The following MYO9B variants were observed in gnomAD, a reference collection of about 807,000 sequenced individuals.
The protein encoded by MYO9B is unconventional myosin-IXb.
A neutral mutation model predicts 229.5 loss-of-function variants in MYO9B; 71 were observed. The observed-to-expected ratio is 0.31, with a 90% CI of 0.26 to 0.38. The LOEUF is 0.38. Among genes scored for constraint, MYO9B ranks in the 10% least tolerant of loss-of-function variants. MYO9B has a pLI of 1.00. For missense variants in MYO9B, 2,255 were observed against 2,920.5 expected, an observed-to-expected ratio of 0.77 and a Z score of 5.25; for synonymous variants, 1,185 against 1,235.8, an observed-to-expected ratio of 0.96 and a Z score of 0.86.
rs139371504 is a variant in MYO9B, at chr19:17,113,195, T to C, written c.840+10638T>C. 9.6e-4 allele frequency among the ~76,000 whole-genome samples: 146 copies of C among 152,220 alleles called. 2 individuals carry two copies. In the East Asian group the frequency reaches 0.022, roughly 23 times the overall value. On this transcript the variant is annotated intron_variant, in intron 2 of 39. Coordinates refer to ENST00000682292, the MANE Select transcript of MYO9B (RefSeq NM_004145.4). ...GAGGGTCTCTGAGACCACTTGTCACTTTGCTGGGCTGAGGGAGAAGGAAGG... is the reference window on the plus strand; with the variant it reads ...GAGGGTCTCTGAGACCACTTGTCACCTTGCTGGGCTGAGGGAGAAGGAAGG...
In MYO9B at chr19:17,197,639, C is replaced by A. The variant is rs1351238227; in HGVS notation, c.4047-153C>A. On this transcript the variant is annotated intron_variant, in intron 22 of 39. Coordinates refer to ENST00000682292, the MANE Select transcript of MYO9B (RefSeq NM_004145.4). Reference sequence around the variant, plus strand: ...TACCCACCCACTCCTTTCCCCCCACCCAAGTGGTGACAACCAAAACTGTCT... The same window carrying A: ...TACCCACCCACTCCTTTCCCCCCACACAAGTGGTGACAACCAAAACTGTCT... Among the ~76,000 whole-genome samples, 4 of 152,164 alleles carry A rather than the reference C, an allele frequency of 2.6e-5. No homozygotes were observed. The East Asian group carries it at 7.7e-4, about 29-fold the overall frequency.
rs773659186 is a variant in MYO9B, at chr19:17,172,830, C to G, written c.2007C>G (p.Ser669=). The G allele has an allele frequency of 1.9e-6, 3 of 1,612,404 alleles. No individual in the cohort carries two copies. The highest frequency in any genetic ancestry group is 2.5e-6 in the Non-Finnish European group (3 of 1,179,852). The stretch of plus-strand genomic sequence containing the variant: ...CCCTGCTGCGGGGCAGTGACAGCTC[C>G]TACGTGCGGGAGCTCATCGGCATGG... ...IVALLRGSDS[S]YVRELIGMDP... is the part of the protein sequence containing the mutation. The change falls in exon 13 of 40, where the codon TCC becomes TCG. Residue 669 remains serine (S), a synonymous_variant. Transcript: ENST00000682292. The surrounding 1 kb of genome is among the most constrained non-coding windows in gnomAD (Gnocchi z 8.2).
chr19:17,174,214 G>A (rs2072757698), intron 13 of MYO9B, among the ~76,000 whole-genome samples: 1 of 151,598 alleles, frequency 6.6e-6, no homozygotes. Flanking sequence ...GTATTTTTTA[G>A]TAGAGATAGG....
chr19:17,186,130 CG>C, intron 18 of MYO9B, 129 bp downstream of exon 18: 1 of 745,776 alleles, frequency 1.3e-6, no homozygotes, highest in Non-Finnish European at 2.2e-6. Flanking sequence ...CAGAGGCAGC[CG>C]GGGATGGAGA....
chr19:17,091,096 G>A (rs117438397), intron 1 of MYO9B, among the ~76,000 whole-genome samples: 344 of 152,226 alleles, frequency 2.3e-3, no homozygotes, highest in Non-Finnish European at 4.1e-3. Flanking sequence ...GCCCAGAGGC[G>A]GACCACATGT....
intron 24 of MYO9B, among the ~76,000 whole-genome samples, chr19:17,199,229 A>G (rs2073079825): frequency 6.6e-6 from 1 of 152,116 alleles, no homozygotes; most frequent in South Asian, 2.1e-4. Flanking sequence ...TAACTTAAAA[A>G]GATAATGAGC....
chr19:17,108,326 C>G (rs553992873), intron 2 of MYO9B, among the ~76,000 whole-genome samples: 6 of 152,152 alleles, frequency 3.9e-5, no homozygotes, highest in African/African-American at 1.4e-4. Context: ...CCTGGGGCGA[C>G]TGTTTGCAAA....
intron 20 of MYO9B, among the ~76,000 whole-genome samples, chr19:17,191,796 C>T (rs1188055319): frequency 1.3e-5 from 2 of 151,570 alleles, no homozygotes; most frequent in South Asian, 2.1e-4. Flanking sequence ...GGAAACATAG[C>T]GAGACCCCAT....
intron 1 of MYO9B, among the ~76,000 whole-genome samples, chr19:17,084,709 C>CAAAAAAAA (rs903470342): frequency 4.7e-4 from 38 of 81,012 alleles, no homozygotes; most frequent in East Asian, 1.5e-3. Flanking sequence ...ACTAAAAATA[C>CAAAAAAAA]AAAAAAAAAA....
In MYO9B at chr19:17,198,244, A is replaced by C. The variant is rs760690398; in HGVS notation, c.4174A>C (p.Lys1392Gln). ...SAKKPAVQKK[K>Q]PGDASSLPDA... Reference sequence around the variant, plus strand: ...GAAAAAGCCAGCTGTCCAGAAGAAGAAGCCAGGCGACGCATCCTCCCTCCC... The same window carrying C: ...GAAAAAGCCAGCTGTCCAGAAGAAGCAGCCAGGCGACGCATCCTCCCTCCC... Residue 1392 changes from lysine to glutamine, a missense_variant, in exon 24 of 40, where the codon AAG becomes CAG. This residue lies in a region of MYO9B where 679 missense variants were observed against 770.2 expected (regional missense o/e 0.88). Coordinates refer to ENST00000682292, the MANE Select transcript of MYO9B (RefSeq NM_004145.4). 82 of 1,613,700 alleles carry C rather than the reference A, an allele frequency of 5.1e-5. No individual in the cohort carries two copies. The highest frequency in any genetic ancestry group is 2.0e-4 in the East Asian group (9 of 44,882).
chr19:17,155,505 T>C (rs1208968687), intron 6 of MYO9B, among the ~76,000 whole-genome samples: 1 of 152,198 alleles, frequency 6.6e-6, no homozygotes, highest in East Asian at 1.9e-4. Context: ...AAACCAGGCA[T>C]GGTGGCTCAT....
rs34800666 is a variant in MYO9B, at chr19:17,128,215, G to GAA, written c.841-17172_841-17171dup. ...AACATAGCAAGACCCTATCTATACTGAAAAAAAAAAATTTTTTTTTTTAAA... is the reference window on the plus strand; with the variant it reads ...AACATAGCAAGACCCTATCTATACTGAAAAAAAAAAAAATTTTTTTTTTTAAA... On this transcript the variant is annotated intron_variant, in intron 2 of 39. Transcript: ENST00000682292. 1.0e-3 allele frequency among the ~76,000 whole-genome samples: 150 copies of GAA among 148,378 alleles called. 1 individual carries two copies. Among genetic ancestry groups the GAA allele is most frequent in the African/African-American group, 2.3e-3 (93 of 40,192 alleles).
chr19:17,166,533 T>A (rs2072661696), intron 10 of MYO9B, among the ~76,000 whole-genome samples: 1 of 152,060 alleles, frequency 6.6e-6, no homozygotes, highest in Non-Finnish European at 1.5e-5. Context: ...CAGGGGTACA[T>A]GTGCAGATTT....
intron 2 of MYO9B, among the ~76,000 whole-genome samples, chr19:17,109,603 A>G (rs1022446414): frequency 6.6e-6 from 1 of 152,148 alleles, no homozygotes; most frequent in African/African-American, 2.4e-5. Flanking sequence ...TCTGGAGGCC[A>G]GAAGTTGAAA....
intron 2 of MYO9B, among the ~76,000 whole-genome samples, chr19:17,104,240 G>A (rs1430982403): frequency 1.3e-5 from 2 of 152,158 alleles, no homozygotes; most frequent in Non-Finnish European, 2.9e-5. Flanking sequence ...CGGCAGGCCT[G>A]GGGGTTAAGG....
chr19:17,206,989 C>T, intron 34 of MYO9B, 124 bp from the exon 35 acceptor site: 1 of 1,398,786 alleles, frequency 7.1e-7, no homozygotes, highest in East Asian at 2.5e-5. Flanking sequence ...AAGCATCTCC[C>T]AGTGCTGGGC....
chr19:17,096,289 CTGAG>C (rs2057687729), intron 1 of MYO9B, among the ~76,000 whole-genome samples: 1 of 152,160 alleles, frequency 6.6e-6, no homozygotes, highest in African/African-American at 2.4e-5. Flanking sequence ...TTCATTTCTC[CTGAG>C]TAACTCCTGA....
intron 8 of MYO9B, 117 bp downstream of exon 8, chr19:17,159,601 AG>A: frequency 1.1e-6 from 1 of 914,120 alleles, no homozygotes; most frequent in Non-Finnish European, 1.7e-6. Context: ...AATGGAACCT[AG>A]GCAGTGCCTC....
chr19:17,209,955 A>G (rs1199016174), intron 36 of MYO9B, among the ~76,000 whole-genome samples: 1 of 152,122 alleles, frequency 6.6e-6, no homozygotes, highest in Admixed American at 6.5e-5. Context: ...GGCCACAACC[A>G]GCCTGGCTGG....
Sources: gnomAD v4.1 joint callset for allele counts (sites outside exome capture counted in the v4.1 genomes callset) on GRCh38, gnomAD v4.1.1 for gene constraint, gnomAD v4.1.1 regional missense constraint, Gnocchi (gnomAD v3.1) non-coding constraint, MANE v1.5 for transcripts, NCBI Gene and HGNC (gene_info 2026-07-23, HGNC 2026-07-21) for gene names.